Variants in IRF2 observed in about 807,000 individuals in gnomAD.
The protein encoded by IRF2 is interferon regulatory factor 2.
Under a neutral mutation model 40.6 loss-of-function variants are expected in IRF2, and 15 were observed. That is an observed-to-expected ratio of 0.37 (90% CI 0.25 to 0.57). The LOEUF (loss-of-function observed/expected upper bound fraction) is 0.57. Among genes scored for constraint, IRF2 ranks in the 20% least tolerant of loss-of-function variants. The probability of loss-of-function intolerance (pLI) is 0.77; values close to 1 mark genes in which losing one functional copy is unlikely to be tolerated. For missense variants in IRF2, 317 were observed against 455.7 expected, an observed-to-expected ratio of 0.70 and a Z score of 2.77; for synonymous variants, 151 against 165.5, an observed-to-expected ratio of 0.91 and a Z score of 0.67.
rs138849150 is a variant in IRF2, at chr4:184,391,842, C to T, written c.695-1093G>A. ...GTGAGACACTGGGCAAGTTTCTCAC[C>T]TTTACTGAGCTGCAGTTTTCTCCTC... On this transcript the variant is annotated intron_variant, in intron 7 of 8. Transcript: ENST00000393593. 5.7e-4 allele frequency among the ~76,000 whole-genome samples: 87 copies of T among 152,328 alleles called. No individual in the cohort carries two copies. In the East Asian group the frequency reaches 0.014, roughly 25 times the overall value.
intron 8 of IRF2, 97 bp downstream of exon 8, chr4:184,390,606 C>A (rs1403596806): frequency 2.7e-6 from 3 of 1,127,726 alleles, no homozygotes; most frequent in Non-Finnish European, 4.0e-6. Flanking sequence ...AGCTTGTGAT[C>A]TAAAGGAAAG....
At chr4:184,445,783 A>T (rs924954381) in intron 1 of IRF2, among the ~76,000 whole-genome samples, 10 of 152,148 alleles carry the variant, frequency 6.6e-5, no homozygotes, top group Non-Finnish European at 1.5e-5. Flanking sequence ...CCAAAAGCCC[A>T]TTTGATGCAA....
intron 2 of IRF2, among the ~76,000 whole-genome samples, chr4:184,426,250 A>G (rs964401813): frequency 2.0e-5 from 3 of 152,174 alleles, no homozygotes; most frequent in African/African-American, 7.2e-5. Context: ...TCCTGACCTC[A>G]GGTGATCTGC....
intron 1 of IRF2, among the ~76,000 whole-genome samples, chr4:184,451,734 G>A (rs1738721948): frequency 6.6e-6 from 1 of 152,180 alleles, no homozygotes; most frequent in South Asian, 2.1e-4. Context: ...TCCTATGGTT[G>A]TCTCCTCCTG....
chr4:184,429,196 G>A lies in IRF2; in HGVS notation c.-6-126C>T, dbSNP rs916175197. 36 of 652,014 alleles carry A rather than the reference G, an allele frequency of 5.5e-5. No individual in the cohort carries two copies. The African/African-American group carries it at 5.5e-4, about 10-fold the overall frequency. The allele number at this position is 652,014 out of a possible 1,614,324, so 40.4% of individuals were successfully genotyped here. On this transcript the variant is annotated intron_variant, in intron 1 of 8. Coordinates refer to ENST00000393593, the MANE Select transcript of IRF2 (RefSeq NM_002199.4). ...CCTGGGGCTGGGGACCAGGGGGCTG[G>A]GGGGTCGGTGTACTCAGGGGCTGTG...
intron 7 of IRF2, among the ~76,000 whole-genome samples, chr4:184,391,657 G>A (rs1393020324): frequency 6.6e-6 from 1 of 152,222 alleles, no homozygotes; most frequent in Admixed American, 6.5e-5. Context: ...TCCATGGCAG[G>A]TTTGCAAGAC....
intron 1 of IRF2, among the ~76,000 whole-genome samples, chr4:184,462,676 C>A (rs982809738): frequency 4.6e-5 from 7 of 152,136 alleles, no homozygotes; most frequent in African/African-American, 1.7e-4. Flanking sequence ...AAAGAAGAAA[C>A]TGATAATATT....
intron 1 of IRF2, among the ~76,000 whole-genome samples, chr4:184,449,585 G>A (rs1247046503): frequency 1.3e-5 from 2 of 152,234 alleles, no homozygotes; most frequent in Non-Finnish European, 2.9e-5. Context: ...CCTAGAAAGA[G>A]AAGACAGGGA....
At chr4:184,398,052 TA>T in intron 7 of IRF2, among the ~76,000 whole-genome samples, 1 of 152,026 alleles carries the variant, frequency 6.6e-6, no homozygotes, top group Non-Finnish European at 1.5e-5. Flanking sequence ...GTACTAGATA[TA>T]AAAAGAAAGA....
chr4:184,423,419 T>C (rs760062461), intron 2 of IRF2, among the ~76,000 whole-genome samples: 6 of 152,200 alleles, frequency 3.9e-5, no homozygotes, highest in Non-Finnish European at 8.8e-5. Flanking sequence ...TGGAAACTAG[T>C]TCTGTTATCT....
chr4:184,388,963 G>T lies in IRF2; in HGVS notation c.845C>A (p.Thr282Asn), dbSNP rs2149889315. 6.2e-7 allele frequency: 1 copy of T among 1,614,254 alleles called. No individual in the cohort carries two copies. Among genetic ancestry groups the T allele is most frequent in the East Asian group, 2.2e-5 (1 of 44,888 alleles). The change falls in exon 9 of 9, where the codon ACT (threonine) becomes AAT (asparagine). Residue 282 changes from threonine (T) to asparagine (N), a missense_variant. Physicochemically the swap from Thr to Asn is moderately conservative, Grantham distance 65. Coordinates refer to ENST00000393593, the MANE Select transcript of IRF2 (RefSeq NM_002199.4). This position sits in a 1 kb window ranked among gnomAD's most constrained non-coding sequence, Gnocchi z 4.6. The stretch of plus-strand genomic sequence containing the variant: ...GACCTGGAGGTCCGGTTTGTTGGAA[G>T]TGACGAAGGACGCCATGCCGGGCAG... ...YLLPGMASFV[T>N]SNKPDLQVTI...
intron 1 of IRF2, among the ~76,000 whole-genome samples, chr4:184,463,835 A>G (rs964988100): frequency 6.6e-6 from 1 of 152,168 alleles, no homozygotes; most frequent in Non-Finnish European, 1.5e-5. Flanking sequence ...GAAAAGTCAG[A>G]GGTCACACTC....
intron 6 of IRF2, among the ~76,000 whole-genome samples, chr4:184,403,746 A>G (rs1056644051): frequency 2.0e-5 from 3 of 152,214 alleles, no homozygotes; most frequent in Non-Finnish European, 2.9e-5. Context: ...CAGGATAAAA[A>G]CTTTTGAATC....
chr4:184,406,147 A>G (rs1184783467), intron 6 of IRF2, among the ~76,000 whole-genome samples: 1 of 152,092 alleles, frequency 6.6e-6, no homozygotes, highest in Admixed American at 6.5e-5. Flanking sequence ...TTCCAGGAAG[A>G]AGGCATGGGC....
intron 1 of IRF2, among the ~76,000 whole-genome samples, chr4:184,470,549 C>T (rs932154374): frequency 3.3e-5 from 5 of 152,098 alleles, no homozygotes; most frequent in Admixed American, 2.0e-4. Context: ...GGCATGGTAG[C>T]GCACGCCTGC....
chr4:184,391,756 A>C (rs1033571335), intron 7 of IRF2, among the ~76,000 whole-genome samples: 2 of 152,216 alleles, frequency 1.3e-5, no homozygotes, highest in Non-Finnish European at 2.9e-5. Flanking sequence ...CAAGCCACTA[A>C]GTTTGTGGCT....
chr4:184,438,425 G>A (rs192848115), intron 1 of IRF2, among the ~76,000 whole-genome samples: 1 of 152,286 alleles, frequency 6.6e-6, no homozygotes, highest in Admixed American at 6.5e-5. Context: ...GGAGCACCCC[G>A]AACAAAGTGA....
At position 184,419,169 on chromosome 4, in the gene IRF2, AT is replaced by A. The variant is rs1171050035; in HGVS notation, c.187+299del. 4.6e-5 allele frequency among the ~76,000 whole-genome samples: 7 copies of A among 152,304 alleles called. No individual in the cohort carries two copies. The Middle Eastern group carries it at 0.014, about 296-fold the overall frequency. On this transcript the variant is annotated intron_variant, in intron 3 of 8. Transcript: ENST00000393593. ...GACTACCTTTTTGGGGGGGAGATAAATTTGACCAAAGTTTATAGCATCAGAA... is the reference window on the plus strand; with the variant it reads ...GACTACCTTTTTGGGGGGGAGATAAATTGACCAAAGTTTATAGCATCAGAA...
chr4:184,390,683 C>G lies in IRF2; in HGVS notation c.741+20G>C, dbSNP rs754177533. ...GGCTTTTCCTTGGCAGCATCGTGGGCAGGCTGGGCAGTGGCTTACCTCGGC... is the reference window on the plus strand; with the variant it reads ...GGCTTTTCCTTGGCAGCATCGTGGGGAGGCTGGGCAGTGGCTTACCTCGGC... On this transcript the variant is annotated intron_variant, in intron 8 of 8. Transcript: ENST00000393593. 6.2e-7 allele frequency: 1 copy of G among 1,613,826 alleles called. No homozygotes were observed. The highest frequency in any genetic ancestry group is 1.7e-5 in the Admixed American group (1 of 60,022).
Sources: allele counts gnomAD v4.1 joint callset (sites outside exome capture counted in the v4.1 genomes callset), GRCh38; gene constraint gnomAD v4.1.1; non-coding constraint Gnocchi (gnomAD v3.1); transcripts MANE v1.5; gene names NCBI Gene and HGNC (gene_info 2026-07-23, HGNC 2026-07-21).